CDC42BPB: variants seen among roughly 807,000 people sequenced by gnomAD.
The protein encoded by CDC42BPB is serine/threonine-protein kinase MRCK beta.
CDC42BPB carries 37 observed loss-of-function variants against 214.9 expected under a neutral mutation model. The ratio of observed to expected loss-of-function variants is 0.17; its 90% CI spans 0.13 to 0.23. CDC42BPB has a LOEUF of 0.23. Among genes scored for constraint, CDC42BPB ranks in the 10% least tolerant of loss-of-function variants. The probability of loss-of-function intolerance (pLI) is 1.00; values close to 1 mark genes in which losing one functional copy is unlikely to be tolerated. For missense variants in CDC42BPB, 1,694 were observed against 2,227.0 expected, an observed-to-expected ratio of 0.76 and a Z score of 4.82; for synonymous variants, 931 against 884.0, an observed-to-expected ratio of 1.05 and a Z score of -0.94.
chr14:103,003,696 G>C (rs955327826), intron 4 of CDC42BPB, among the ~76,000 whole-genome samples: 4 of 152,106 alleles, frequency 2.6e-5, no homozygotes, highest in African/African-American at 9.7e-5. Flanking sequence ...GCAAACAAAC[G>C]AATCAGCTTC....
rs370935224 is a variant in CDC42BPB at position 103,006,606 on chromosome 14, C to T, written c.351+1866G>A. Among the ~76,000 whole-genome samples the T allele has an allele frequency of 4.2e-3, 636 of 152,262 alleles. 7 individuals are homozygous for T. Among genetic ancestry groups the T allele is most frequent in the African/African-American group, 0.015 (610 of 41,544 alleles). On this transcript the variant is annotated intron_variant, in intron 3 of 36. Coordinates refer to ENST00000361246, the MANE Select transcript of CDC42BPB (RefSeq NM_006035.4). Reference sequence around the variant, plus strand: ...GCTTAGCAACTCTTCTACTGACCAACCTCTTAATTCATGCTTTTAAGAAAA... The same window carrying T: ...GCTTAGCAACTCTTCTACTGACCAATCTCTTAATTCATGCTTTTAAGAAAA...
rs749456768 is a variant in CDC42BPB, at chr14:102,972,121, T to C, written c.1682A>G (p.Lys561Arg). Residue 561 changes from lysine (K) to arginine (R), a missense_variant, in exon 13 of 37, where the codon AAG becomes AGG. Physicochemically the swap from Lys to Arg is conservative, Grantham distance 26 (BLOSUM62 2). Around this residue, in one of 7 missense-constraint regions of CDC42BPB, gnomAD observed 462 missense variants for 513.5 expected, o/e 0.90. Transcript: ENST00000361246. ...EASERLKSQA[K>R]ELKDAHQQRK... ...CTGCTGATGGGCATCTTTGAGTTCC[T>C]TGGCCTGGGATTTCAACCGCTCTGA... 3 of 1,614,266 alleles carry C rather than the reference T, an allele frequency of 1.9e-6. No individual in the cohort carries two copies. Among genetic ancestry groups the C allele is most frequent in the South Asian group, 2.2e-5 (2 of 91,082 alleles).
At chr14:103,033,900 T>C (rs115246731) in intron 1 of CDC42BPB, among the ~76,000 whole-genome samples, 45 of 152,312 alleles carry the variant, frequency 3.0e-4, no homozygotes, top group African/African-American at 9.6e-4. Flanking sequence ...CCACGCCTGG[T>C]GTATTTGCCA....
chr14:102,943,997 G>C lies in CDC42BPB; in HGVS notation c.4302C>G (p.Ser1434Arg), dbSNP rs151083985. The C allele has an allele frequency of 3.1e-6, 5 of 1,613,170 alleles. No homozygotes were observed. Among genetic ancestry groups the C allele is most frequent in the Non-Finnish European group, 4.2e-6 (5 of 1,180,026 alleles). The change falls in exon 30 of 37, where the codon AGC becomes AGG. Residue 1434 changes from serine to arginine, a missense_variant. Ser to Arg is a moderately radical substitution (Grantham distance 110, BLOSUM62 -1). Coordinates refer to ENST00000361246, the MANE Select transcript of CDC42BPB (RefSeq NM_006035.4). The surrounding 1 kb of genome is among the most constrained non-coding windows in gnomAD (Gnocchi z 4.6). ...GGCTGAAGCAAAGCAGGTACTCCTC[G>C]CTTTCGAGCTCCACAGCACAAAGGG... ...FDALCAVELESEEYLLCFSHM... is the reference protein window; with the variant it reads ...FDALCAVELEREEYLLCFSHM...
chr14:103,039,632 G>A (rs1436461373), intron 1 of CDC42BPB, among the ~76,000 whole-genome samples: 1 of 151,926 alleles, frequency 6.6e-6, no homozygotes, highest in East Asian at 1.9e-4. Context: ...ACCTGAAAAG[G>A]GGCATTTATG....
At chr14:103,015,778 A>T (rs1202163205) in intron 1 of CDC42BPB, among the ~76,000 whole-genome samples, 1 of 151,932 alleles carries the variant, frequency 6.6e-6, no homozygotes, top group African/African-American at 2.4e-5. Context: ...TAACAATCTC[A>T]GCTCACTGCA....
chr14:103,001,941 C>T lies in CDC42BPB; in HGVS notation c.447+1987G>A, dbSNP rs542299270. On this transcript the variant is annotated intron_variant, in intron 4 of 36. Coordinates refer to ENST00000361246, the MANE Select transcript of CDC42BPB (RefSeq NM_006035.4). The surrounding 1 kb of genome is among the most constrained non-coding windows in gnomAD (Gnocchi z 5.8). ...CTAACGCGGGAGCTCGTGAGGCAGA[C>T]GGCGGAGGCCCACTCCAGAATGAGA... Among the ~76,000 whole-genome samples, 61 of 152,336 alleles carry T rather than the reference C, an allele frequency of 4.0e-4. No individual in the cohort carries two copies. The highest frequency in any genetic ancestry group is 1.4e-3 in the African/African-American group (59 of 41,574).
chr14:103,015,165 G>A (rs1425726611), intron 1 of CDC42BPB, among the ~76,000 whole-genome samples: 1 of 152,206 alleles, frequency 6.6e-6, no homozygotes, highest in African/African-American at 2.4e-5. Context: ...AACCACAAAA[G>A]CAAAGCAGCA....
intron 6 of CDC42BPB, among the ~76,000 whole-genome samples, chr14:102,985,757 A>G (rs1595495716): frequency 6.7e-6 from 1 of 149,596 alleles, no homozygotes; most frequent in Non-Finnish European, 1.5e-5. Flanking sequence ...TCAAAAAAGA[A>G]AAGACTCCAA....
At chr14:103,000,132 C>T (rs1242371016) in intron 4 of CDC42BPB, among the ~76,000 whole-genome samples, 1 of 152,210 alleles carries the variant, frequency 6.6e-6, no homozygotes, top group Non-Finnish European at 1.5e-5. Context: ...TAGTTAACAT[C>T]ACACATGGTA....
At chr14:102,948,910 A>G (rs28417469) in intron 26 of CDC42BPB, among the ~76,000 whole-genome samples, 22,435 of 151,272 alleles carry the variant, frequency 0.15, 3,561 homozygotes, top group African/African-American at 0.4. Context: ...GCCCCGGGGG[A>G]AGGGACATGG....
At chr14:102,950,341 C>T (rs1481191096) in intron 25 of CDC42BPB, 125 bp downstream of exon 25, 8 of 1,308,006 alleles carry the variant, frequency 6.1e-6, no homozygotes, top group East Asian at 2.3e-5. Flanking sequence ...AGGGTAAGCC[C>T]CCTAGGACTG....
At chr14:102,939,062 C>T (rs1052143843) in intron 34 of CDC42BPB, among the ~76,000 whole-genome samples, 1 of 152,076 alleles carries the variant, frequency 6.6e-6, no homozygotes, top group African/African-American at 2.4e-5. Flanking sequence ...TCAGCCTCCC[C>T]AGTAGCTGGG....
chr14:103,013,183 G>A (rs753540047), intron 1 of CDC42BPB, among the ~76,000 whole-genome samples: 5 of 152,346 alleles, frequency 3.3e-5, no homozygotes, highest in Admixed American at 6.5e-5. Flanking sequence ...AAGTGCGTGA[G>A]GTGAGTGAGA....
intron 18 of CDC42BPB, among the ~76,000 whole-genome samples, chr14:102,965,254 G>A (rs369257555): frequency 3.6e-4 from 55 of 151,970 alleles, no homozygotes; most frequent in African/African-American, 1.3e-3. Context: ...TTTCTATATG[G>A]GTCCACTGGA....
At chr14:102,963,485 C>G (rs1276258854) in intron 19 of CDC42BPB, among the ~76,000 whole-genome samples, 2 of 152,204 alleles carry the variant, frequency 1.3e-5, no homozygotes, top group Non-Finnish European at 2.9e-5. Context: ...AGCCGTCAGC[C>G]CCATCAATAT....
At chr14:102,956,931 C>A (rs1426147408) in intron 21 of CDC42BPB, among the ~76,000 whole-genome samples, 1 of 148,662 alleles carries the variant, frequency 6.7e-6, no homozygotes, top group Admixed American at 6.9e-5. Flanking sequence ...GTAATCCCAG[C>A]ACTTTGGGAG....
intron 18 of CDC42BPB, among the ~76,000 whole-genome samples, chr14:102,965,850 G>GA (rs1893177113): frequency 6.6e-6 from 1 of 152,212 alleles, no homozygotes; most frequent in African/African-American, 2.4e-5. Flanking sequence ...CAGCTACTCG[G>GA]GGGGGCTGAG....
chr14:103,039,292 CAAA>C (rs202028122), intron 1 of CDC42BPB, among the ~76,000 whole-genome samples: 4 of 70,638 alleles, frequency 5.7e-5, no homozygotes, highest in African/African-American at 1.7e-4. Flanking sequence ...GATACCAAAC[CAAA>C]AAAAAAAAAA....
Sources: gnomAD v4.1 joint callset for allele counts (sites outside exome capture counted in the v4.1 genomes callset) on GRCh38, gnomAD v4.1.1 for gene constraint, gnomAD v4.1.1 regional missense constraint, Gnocchi (gnomAD v3.1) non-coding constraint, MANE v1.5 for transcripts, NCBI Gene and HGNC (gene_info 2026-07-23, HGNC 2026-07-21) for gene names.